The following RAB38 variants were observed in gnomAD, a reference collection of about 807,000 sequenced individuals.
RAB38 encodes ras-related protein Rab-38.
A neutral mutation model predicts 18.4 loss-of-function variants in RAB38; 15 were observed. The observed-to-expected ratio is 0.82, with a 90% confidence interval of 0.55 to 1.26. RAB38 has a LOEUF of 1.26. RAB38 is among the 50% of genes most tolerant of loss of function. RAB38 has a pLI of 0.00. For missense variants in RAB38, 294 were observed against 267.4 expected (o/e 1.10, Z -0.69); for synonymous variants, 101 against 104.4 (o/e 0.97, Z 0.20).
intron 2 of RAB38, among the ~76,000 whole-genome samples, chr11:88,122,406 T>C (rs546704940): frequency 3.0e-4 from 45 of 152,342 alleles, no homozygotes; most frequent in East Asian, 3.8e-4. Context: ...ATAAAGATTA[T>C]GTTTAGCCAG....
chr11:87,900,004 A>C, the RAB38 span, among the ~76,000 whole-genome samples: 1 of 151,482 alleles, frequency 6.6e-6, no homozygotes, highest in South Asian at 2.1e-4. Flanking sequence ...TCATTCAACA[A>C]ATATTTACTG....
At chr11:87,873,202 A>G in the RAB38 span, among the ~76,000 whole-genome samples, 1 of 151,520 alleles carries the variant, frequency 6.6e-6, no homozygotes, top group African/African-American at 2.4e-5. Context: ...GTAATATATG[A>G]TGTTGAGCAT....
the RAB38 span, among the ~76,000 whole-genome samples, chr11:87,976,818 T>C: frequency 1.3e-5 from 1 of 78,992 alleles, no homozygotes; most frequent in Non-Finnish European, 2.3e-5. Flanking sequence ...TTATATATTA[T>C]ACAATGTATA....
the RAB38 span, among the ~76,000 whole-genome samples, chr11:88,022,611 C>A: frequency 1.1e-3 from 57 of 52,064 alleles, no homozygotes; most frequent in Non-Finnish European, 1.3e-3. Flanking sequence ...AAAGACCCCA[C>A]AAAAAAAAAA....
At chr11:87,905,863 A>G in the RAB38 span, among the ~76,000 whole-genome samples, 1 of 151,914 alleles carries the variant, frequency 6.6e-6, no homozygotes, top group African/African-American at 2.4e-5. Flanking sequence ...CTGACTGCAA[A>G]TTAGATTCTG....
chr11:88,030,995 C>A, the RAB38 span, among the ~76,000 whole-genome samples: 36 of 150,810 alleles, frequency 2.4e-4, no homozygotes, highest in African/African-American at 3.7e-4. Context: ...TACTGGCAAA[C>A]CGAATCCAGC....
At chr11:88,066,560 T>C in the RAB38 span, among the ~76,000 whole-genome samples, 1 of 152,278 alleles carries the variant, frequency 6.6e-6, no homozygotes, top group African/African-American at 2.4e-5. Flanking sequence ...TATGAAAACA[T>C]GGGTCAGGAT....
At chr11:88,120,174 T>C (rs1046544091) in intron 2 of RAB38, among the ~76,000 whole-genome samples, 7 of 152,194 alleles carry the variant, frequency 4.6e-5, no homozygotes, top group African/African-American at 1.4e-4. Context: ...TCTCAGAATA[T>C]GGCATTTCAC....
chr11:87,971,577 G>A, the RAB38 span, among the ~76,000 whole-genome samples: 1 of 152,042 alleles, frequency 6.6e-6, no homozygotes, highest in African/African-American at 2.4e-5. Context: ...CCTGGTAACA[G>A]GGATACAATG....
At chr11:88,167,492 A>T (rs1421110372) in intron 1 of RAB38, 1 of 152,264 alleles carries the variant, frequency 6.6e-6, no homozygotes, top group Non-Finnish European at 1.5e-5. Context: ...ACTGATTGGC[A>T]GGGAAGCTGG....
At chr11:87,851,469 G>A in the RAB38 span, among the ~76,000 whole-genome samples, 7 of 152,180 alleles carry the variant, frequency 4.6e-5, no homozygotes, top group African/African-American at 1.4e-4. Flanking sequence ...ATGCCTAAAC[G>A]AGTGGGAATG....
the RAB38 span, among the ~76,000 whole-genome samples, chr11:87,858,833 CTG>C: frequency 1.3e-5 from 2 of 150,908 alleles, no homozygotes; most frequent in Admixed American, 1.3e-4. Flanking sequence ...ATTTATTAAA[CTG>C]TGAAAAAAAA....
intron 1 of RAB38, among the ~76,000 whole-genome samples, chr11:88,163,172 G>C (rs758872315): frequency 1.4e-4 from 22 of 152,050 alleles, no homozygotes; most frequent in Non-Finnish European, 2.6e-4. Flanking sequence ...GTCCAGTGTA[G>C]AATTACTCAA....
At chr11:87,897,158 C>G in the RAB38 span, among the ~76,000 whole-genome samples, 5 of 151,238 alleles carry the variant, frequency 3.3e-5, no homozygotes, top group Middle Eastern at 3.4e-3. Context: ...CAGATTTAAC[C>G]CCCCCCAAAC....
chr11:87,872,400 A>T, the RAB38 span, among the ~76,000 whole-genome samples: 1 of 151,594 alleles, frequency 6.6e-6, no homozygotes, highest in East Asian at 2.0e-4. Context: ...CACCATCAAC[A>T]TCCTGCACCT....
the RAB38 span, among the ~76,000 whole-genome samples, chr11:88,093,736 C>T: frequency 6.6e-6 from 1 of 151,886 alleles, no homozygotes; most frequent in African/African-American, 2.4e-5. Flanking sequence ...AAAGCACACC[C>T]TTATGATGGC....
At chr11:88,017,724 T>TTATA in the RAB38 span, among the ~76,000 whole-genome samples, 8 of 145,174 alleles carry the variant, frequency 5.5e-5, no homozygotes, top group African/African-American at 1.8e-4. Flanking sequence ...ATAATATATA[T>TTATA]TATATATATA....
chr11:87,814,858 C>T, the RAB38 span, among the ~76,000 whole-genome samples: 9 of 151,936 alleles, frequency 5.9e-5, no homozygotes, highest in Non-Finnish European at 8.8e-5. Flanking sequence ...CTCAGCCTCC[C>T]GAGTAGCTGG....
chr11:87,817,369 A>G, the RAB38 span: 5 of 152,198 alleles, frequency 3.3e-5, no homozygotes, highest in African/African-American at 9.6e-5. Flanking sequence ...TAAGAGATCA[A>G]TTGAAACAAT....
Sources: allele counts gnomAD v4.1 joint callset (sites outside exome capture counted in the v4.1 genomes callset), GRCh38; gene constraint gnomAD v4.1.1; transcripts MANE v1.5; gene names NCBI Gene and HGNC (gene_info 2026-07-23, HGNC 2026-07-21).